PLEKHG5: variants seen among roughly 807,000 people sequenced by gnomAD.
PLEKHG5 encodes the protein pleckstrin homology domain-containing family G member 5.
In PLEKHG5, 52 loss-of-function variants were observed where a neutral mutation model predicts 103.8. That is an observed-to-expected ratio of 0.50 (90% confidence interval 0.40 to 0.63). The LOEUF is 0.63. Among genes scored for constraint, PLEKHG5 ranks in the 30% least tolerant of loss-of-function variants. PLEKHG5 has a pLI of 0.00. For missense variants in PLEKHG5, 1,205 were observed against 1,347.6 expected, an observed-to-expected ratio of 0.89 and a Z score of 1.66; for synonymous variants, 592 against 575.5, an observed-to-expected ratio of 1.03 and a Z score of -0.41.
Position 6,486,652 on chromosome 1 carries a change from C to T in PLEKHG5, c.-88+4985G>A, listed in dbSNP as rs1468036920. On this transcript the variant is annotated intron_variant, in intron 1 of 20. Transcript: ENST00000377728. The surrounding 1 kb of genome is among the most constrained non-coding windows in gnomAD (Gnocchi z 5.3). ...GCCAGGTCCCCACCGCCAGGGGGCA[C>T]TCAGCAAAGCCTGAGAGGACGCAAA... is the stretch of plus-strand genomic sequence containing the variant. 6.6e-6 allele frequency among the ~76,000 whole-genome samples: 1 copy of T among 152,252 alleles called. No individual in the cohort carries two copies. Among genetic ancestry groups the T allele is most frequent in the East Asian group, 1.9e-4 (1 of 5,198 alleles).
chr1:6,500,481 G>A (rs976470135), upstream of PLEKHG5, among the ~76,000 whole-genome samples: 2 of 151,814 alleles, frequency 1.3e-5, no homozygotes, highest in South Asian at 2.1e-4. Context: ...TCTGCTCCCC[G>A]ACCTCAGCCC....
upstream of PLEKHG5, among the ~76,000 whole-genome samples, chr1:6,495,141 A>T (rs550502044): frequency 6.6e-6 from 1 of 152,344 alleles, no homozygotes; most frequent in South Asian, 2.1e-4. Flanking sequence ...GGGGCTCCGC[A>T]GGCCTCTGGC....
chr1:6,498,862 G>GCCCT (rs1482367929), upstream of PLEKHG5, among the ~76,000 whole-genome samples: 1 of 152,236 alleles, frequency 6.6e-6, no homozygotes, highest in Non-Finnish European at 1.5e-5. Context: ...GCTGGAGGTG[G>GCCCT]AGGCAGCCGA....
At chr1:6,473,818 C>T (rs1455752704) in intron 7 of PLEKHG5, among the ~76,000 whole-genome samples, 195 bp downstream of exon 7, 1 of 152,172 alleles carries the variant, frequency 6.6e-6, no homozygotes, top group Non-Finnish European at 1.5e-5. Context: ...GATACAAGCC[C>T]TCACCTTGGG....
chr1:6,506,362 G>T (rs1350029630), intron 1 of PLEKHG5, among the ~76,000 whole-genome samples: 1 of 152,168 alleles, frequency 6.6e-6, no homozygotes, highest in African/African-American at 2.4e-5. Flanking sequence ...CAGGGCCCCG[G>T]CCCCACACAA....
Position 6,475,852 on chromosome 1 carries a change from A to T in PLEKHG5, c.149+79T>A, listed in dbSNP as rs1644751787. On this transcript the variant is annotated intron_variant, in intron 3 of 20. Transcript: ENST00000377728. ...CCTTACTTGAGGAAGGCGCCAGAGC[A>T]TCTGGTCCTGAATGTCTGATCTGAG... 12 of 1,166,532 alleles carry T rather than the reference A, an allele frequency of 1.0e-5. No individual in the cohort carries two copies. The Middle Eastern group carries it at 5.7e-4, about 56-fold the overall frequency. 72.3% of individuals were successfully genotyped at this position (1,166,532 alleles called of 1,614,324 possible).
chr1:6,504,997 C>G (rs942260884), intron 1 of PLEKHG5, among the ~76,000 whole-genome samples: 1 of 152,078 alleles, frequency 6.6e-6, no homozygotes, highest in South Asian at 2.1e-4. Context: ...GGAAGGACCA[C>G]GCCAGCCTGG....
At chr1:6,478,122 G>C (rs991697964) in intron 1 of PLEKHG5, among the ~76,000 whole-genome samples, 2 of 152,100 alleles carry the variant, frequency 1.3e-5, no homozygotes, top group Admixed American at 1.3e-4. Flanking sequence ...CTGACCTCGT[G>C]AACAGCCCGC....
chr1:6,498,871 G>A (rs373845263), upstream of PLEKHG5, among the ~76,000 whole-genome samples: 2 of 152,348 alleles, frequency 1.3e-5, no homozygotes, highest in Middle Eastern at 3.4e-3. Flanking sequence ...GGAGGCAGCC[G>A]AGGCAAGAGA....
At chr1:6,489,633 C>T (rs1645108379) in intron 1 of PLEKHG5, among the ~76,000 whole-genome samples, 1 of 152,214 alleles carries the variant, frequency 6.6e-6, no homozygotes, top group East Asian at 1.9e-4. Context: ...ACTAGCAAGC[C>T]CTTCCCCGGT....
upstream of PLEKHG5, among the ~76,000 whole-genome samples, chr1:6,499,125 G>A (rs74049593): frequency 0.064 from 9,794 of 152,246 alleles, 927 homozygotes; most frequent in African/African-American, 0.2. Flanking sequence ...AGGCCCCTGC[G>A]TTCTCAAAAC....
rs534421469 is a variant in PLEKHG5 at position 6,472,678 on chromosome 1, G to A, written c.985-56C>T. On this transcript the variant is annotated intron_variant, in intron 9 of 20. Coordinates refer to ENST00000377728, the MANE Select transcript of PLEKHG5 (RefSeq NM_020631.6). ...AGGCCTGGAGCACCTTAGGGTGGCCGGGGAGGATAAGCAACCTGCATGCAA... is the reference window on the plus strand; with the variant it reads ...AGGCCTGGAGCACCTTAGGGTGGCCAGGGAGGATAAGCAACCTGCATGCAA... The A allele has an allele frequency of 8.6e-4, 1,140 of 1,329,010 alleles. 2 individuals carry two copies. The highest frequency in any genetic ancestry group is 8.7e-4 in the Non-Finnish European group (818 of 936,484). The allele number at this position is 1,329,010 out of a possible 1,614,324, so 82.3% of individuals were successfully genotyped here. A position where few individuals can be genotyped will look rare whatever the true frequency, so the allele number is the denominator to read the frequency against.
chr1:6,495,494 C>T (rs929876785), upstream of PLEKHG5, among the ~76,000 whole-genome samples: 10 of 152,152 alleles, frequency 6.6e-5, no homozygotes, highest in African/African-American at 2.2e-4. Context: ...GAAGACAACA[C>T]GGGCCCTGGT....
At chr1:6,498,770 A>C (rs944711775), upstream of PLEKHG5, among the ~76,000 whole-genome samples, 2 of 151,826 alleles carry the variant, frequency 1.3e-5, no homozygotes, top group African/African-American at 4.8e-5. Flanking sequence ...GCCCAGCCTC[A>C]CCCCCACACT....
In PLEKHG5 at chr1:6,490,658, C is replaced by T. The variant is rs555803415; in HGVS notation, c.-88+979G>A. On this transcript the variant is annotated intron_variant, in intron 1 of 20. Coordinates refer to ENST00000377728, the MANE Select transcript of PLEKHG5 (RefSeq NM_020631.6). This position sits in a 1 kb window ranked among gnomAD's most constrained non-coding sequence, Gnocchi z 8.0. Reference sequence around the variant, plus strand: ...ACCGGCCGGGATGTACCAACGGCGCCGCCCGGCTGGGACCGGGGAGAGGAG... The same window carrying T: ...ACCGGCCGGGATGTACCAACGGCGCTGCCCGGCTGGGACCGGGGAGAGGAG... The T allele has an allele frequency of 6.9e-4, 660 of 961,970 alleles. 4 individuals are homozygous for T. The African/African-American group carries it at 0.011, about 16-fold the overall frequency. The allele number at this position is 961,970 out of a possible 1,614,324, so 59.6% of individuals were successfully genotyped here. A position where few individuals can be genotyped will look rare whatever the true frequency, so the allele number is the denominator to read the frequency against.
rs1309731055 is a variant in PLEKHG5, at chr1:6,471,003, C to T, written c.1379G>A (p.Arg460Gln). 6.2e-7 allele frequency: 1 copy of T among 1,603,928 alleles called. No homozygotes were observed. Among genetic ancestry groups the T allele is most frequent in the Admixed American group, 1.7e-5 (1 of 59,258 alleles). The change falls in exon 13 of 21, where the codon CGG (arginine) becomes CAG (glutamine). Residue 460 changes from arginine (R) to glutamine (Q), a missense_variant. Transcript: ENST00000377728. Reference protein sequence around the residue: ...RGLLRDNDLFRAYITWAEKHP... With the variant: ...RGLLRDNDLFQAYITWAEKHP... Reference sequence around the variant, plus strand: ...GCGCGCCCTCACCGTGATGTAGGCCCGGAAGAGGTCGTTGTCGCGCAGCAG... The same window carrying T: ...GCGCGCCCTCACCGTGATGTAGGCCTGGAAGAGGTCGTTGTCGCGCAGCAG...
chr1:6,481,694 C>T lies in PLEKHG5; in HGVS notation c.-87-4036G>A, dbSNP rs151029269. Among the ~76,000 whole-genome samples the T allele has an allele frequency of 5.7e-3, 869 of 151,426 alleles. 10 individuals carry two copies. Among genetic ancestry groups the T allele is most frequent in the African/African-American group, 0.02 (837 of 41,306 alleles). On this transcript the variant is annotated intron_variant, in intron 1 of 20. Coordinates refer to ENST00000377728, the MANE Select transcript of PLEKHG5 (RefSeq NM_020631.6). ...CCTGGCTAACATGGTGAAACCCCGT[C>T]TCTACTAAAAACACAAAAACTTAGC...
chr1:6,513,148 G>A (rs1357803176), intron 1 of PLEKHG5, among the ~76,000 whole-genome samples: 2 of 152,252 alleles, frequency 1.3e-5, no homozygotes, highest in East Asian at 3.9e-4. Flanking sequence ...GGAGCCCTTA[G>A]AATCTAGACT....
At chr1:6,468,981 G>T in intron 19 of PLEKHG5, 61 bp downstream of exon 19, 1 of 1,384,876 alleles carries the variant, frequency 7.2e-7, no homozygotes. Flanking sequence ...GGGCCTTCAG[G>T]AGTCCTGGGC....
Sources: allele counts gnomAD v4.1 joint callset (sites outside exome capture counted in the v4.1 genomes callset), GRCh38; gene constraint gnomAD v4.1.1; non-coding constraint Gnocchi (gnomAD v3.1); transcripts MANE v1.5; gene names NCBI Gene and HGNC (gene_info 2026-07-23, HGNC 2026-07-21).